MAP3K19: variants seen among roughly 807,000 people sequenced by gnomAD.
The protein encoded by MAP3K19 is SPS1/STE20-related protein kinase YSK4.
MAP3K19 carries 91 observed loss-of-function variants against 114.4 expected under a neutral mutation model. The observed-to-expected ratio is 0.80, with a 90% CI of 0.67 to 0.95. MAP3K19 has a LOEUF of 0.95. Among genes scored for constraint, MAP3K19 ranks in the 40% least tolerant of loss-of-function variants. The probability of loss-of-function intolerance (pLI) is 0.00; values close to 1 mark genes in which losing one functional copy is unlikely to be tolerated. For synonymous variants in MAP3K19, 518 were observed against 530.5 expected (o/e 0.98, Z 0.32); for missense variants, 1,471 against 1,573.2 (o/e 0.94, Z 1.10).
chr2:135,027,661 G>GA (rs1280855878), intron 3 of MAP3K19, among the ~76,000 whole-genome samples: 1 of 152,218 alleles, frequency 6.6e-6, no homozygotes, highest in Non-Finnish European at 1.5e-5. Flanking sequence ...GTTGGTTTGG[G>GA]AAATTTATAT....
intron 5 of MAP3K19, among the ~76,000 whole-genome samples, chr2:135,010,072 G>C (rs1223272306): frequency 6.7e-6 from 1 of 148,834 alleles, no homozygotes; most frequent in Non-Finnish European, 1.5e-5. Context: ...TTGTTAGCAT[G>C]AAAAGTTTGA....
At chr2:135,024,590 G>A (rs1329467190) in intron 4 of MAP3K19, 36 bp downstream of exon 4, 4 of 1,597,876 alleles carry the variant, frequency 2.5e-6, no homozygotes, top group Middle Eastern at 1.7e-4. Context: ...GAATTTTTGG[G>A]TTGGGAAATT....
chr2:134,980,871 T>G lies in MAP3K19; in HGVS notation c.3870A>C (p.Pro1290=). The change falls in exon 12 of 13, where the codon CCA becomes CCC. Residue 1290 remains proline, a synonymous_variant. Coordinates refer to ENST00000392915, the MANE Select transcript of MAP3K19 (RefSeq NM_025052.5). Reference sequence around the variant, plus strand: ...CTGCTGCATTTTCTGAGAAGTGGTCTGGTAAAGGAGGCATCAGCCCTCGGT... The same window carrying G: ...CTGCTGCATTTTCTGAGAAGTGGTCGGGTAAAGGAGGCATCAGCCCTCGGT... ...GAHRGLMPPL[P]DHFSENAADF... 1 of 1,614,210 alleles carries G rather than the reference T, an allele frequency of 6.2e-7. No individual in the cohort carries two copies. Among genetic ancestry groups the G allele is most frequent in the Non-Finnish European group, 8.5e-7 (1 of 1,180,028 alleles).
At chr2:135,015,418 A>T (rs1687516820) in intron 5 of MAP3K19, among the ~76,000 whole-genome samples, 1 of 152,118 alleles carries the variant, frequency 6.6e-6, no homozygotes, top group Non-Finnish European at 1.5e-5. Context: ...GGGAGTTTTT[A>T]AATTTTTTCT....
chr2:134,990,460 G>GTTTTTTTTTTTTTTTTTTTT (rs112948807), intron 9 of MAP3K19, among the ~76,000 whole-genome samples: 1 of 145,724 alleles, frequency 6.9e-6, no homozygotes. Flanking sequence ...TTCTTTTTTT[G>GTTTTTTTTTTTTTTTTTTTT]TTTTTTTTTT....
intron 12 of MAP3K19, among the ~76,000 whole-genome samples, chr2:134,980,074 C>A (rs1684525225): frequency 6.6e-6 from 1 of 152,104 alleles, no homozygotes; most frequent in Admixed American, 6.6e-5. Flanking sequence ...TAAAGTTGAG[C>A]CTTGCTAGGT....
intron 1 of MAP3K19, among the ~76,000 whole-genome samples, chr2:135,046,296 G>C (rs917405957): frequency 2.0e-5 from 3 of 151,764 alleles, no homozygotes; most frequent in Admixed American, 2.0e-4. Context: ...TGTTGTTGTT[G>C]TTACAGAGTC....
chr2:135,037,685 G>A (rs1172667313), intron 2 of MAP3K19, among the ~76,000 whole-genome samples: 4 of 152,084 alleles, frequency 2.6e-5, no homozygotes, highest in African/African-American at 4.8e-5. Context: ...GAATGGCCTT[G>A]GAAGATAGAA....
chr2:135,010,766 A>C (rs1559178080), intron 5 of MAP3K19, among the ~76,000 whole-genome samples: 1 of 152,096 alleles, frequency 6.6e-6, no homozygotes, highest in Non-Finnish European at 1.5e-5. Flanking sequence ...AGTAACTGGA[A>C]CTACAGAGGC....
In MAP3K19 at chr2:134,988,195, T is replaced by G. The variant is rs766931909; in HGVS notation, c.677A>C (p.Gln226Pro). ...TTTTTCTTTTGGAAACTTGTGATTTTGGGGGATAGTAAGGACACCAGATCG... is the reference window on the plus strand; with the variant it reads ...TTTTTCTTTTGGAAACTTGTGATTTGGGGGGATAGTAAGGACACCAGATCG... Reference protein sequence around the residue: ...PTRSGVLTIPQNHKFPKEKER... With the variant: ...PTRSGVLTIPPNHKFPKEKER... The change falls in exon 10 of 13, where the codon CAA becomes CCA. Residue 226 changes from glutamine to proline, a missense_variant. By Grantham distance (76) the Gln-to-Pro change is moderately conservative (BLOSUM62 -1). Coordinates refer to ENST00000392915, the MANE Select transcript of MAP3K19 (RefSeq NM_025052.5). The G allele has an allele frequency of 1.9e-6, 3 of 1,611,300 alleles. No homozygotes were observed. Among genetic ancestry groups the G allele is most frequent in the East Asian group, 2.2e-5 (1 of 44,866 alleles).
chr2:135,023,426 T>G, intron 4 of MAP3K19: 1 of 533,040 alleles, frequency 1.9e-6, no homozygotes. Context: ...GTCCTCACAA[T>G]CTCCTCTCTG....
Position 134,981,115 on chromosome 2 carries a change from C to T in MAP3K19, c.3626G>A (p.Arg1209Lys). The T allele has an allele frequency of 6.2e-7, 1 of 1,614,200 alleles. No individual in the cohort carries two copies. The highest frequency in any genetic ancestry group is 8.5e-7 in the Non-Finnish European group (1 of 1,180,014). ...IIKLIDFGCA[R>K]RLAWAGLNGT... is the part of the protein sequence containing the mutation. The stretch of plus-strand genomic sequence containing the variant: ...ATTTAAACCTGCCCAGGCCAAACGC[C>T]TGGCACAGCCAAAGTCAATCAGCTT... The change falls in exon 12 of 13, where the codon AGG becomes AAG. Residue 1209 changes from arginine to lysine, a missense_variant. Transcript: ENST00000392915.
chr2:135,022,493 T>C (rs148437020), intron 4 of MAP3K19, among the ~76,000 whole-genome samples: 197 of 152,246 alleles, frequency 1.3e-3, no homozygotes, highest in African/African-American at 3.6e-3. Context: ...AAAACTACCA[T>C]GTATTTTTCA....
chr2:135,009,118 A>ATTTTTTTTTTTT (rs59038927), intron 5 of MAP3K19, among the ~76,000 whole-genome samples: 1 of 136,714 alleles, frequency 7.3e-6, no homozygotes, highest in Non-Finnish European at 1.6e-5. Context: ...TGCCTGGCTA[A>ATTTTTTTTTTTT]TTTTTTTTTT....
chr2:134,985,693 T>G, intron 10 of MAP3K19, 107 bp downstream of exon 10: 3 of 1,027,544 alleles, frequency 2.9e-6, no homozygotes, highest in Non-Finnish European at 4.1e-6. Flanking sequence ...AAAAACTATT[T>G]AATTGTTTAG....
At chr2:134,968,907 G>A (rs1415231854) in intron 12 of MAP3K19, among the ~76,000 whole-genome samples, 3 of 150,632 alleles carry the variant, frequency 2.0e-5, no homozygotes, top group Non-Finnish European at 3.0e-5. Context: ...CCCAGACGAT[G>A]GGCGGCCAGG....
chr2:134,985,932 A>C lies in MAP3K19; in HGVS notation c.2940T>G (p.Leu980=). ...GGCAAGAGTTGTTATCTTTCTCATC[A>C]AGAGCTAATAATTCTGCAGCTAGAC... is the stretch of plus-strand genomic sequence containing the variant. ...LGCLAAELLA[L]DEKDNNSCQK... The change falls in exon 10 of 13, where the codon CTT becomes CTG. Residue 980 remains leucine, a synonymous_variant. Transcript: ENST00000392915. 6.2e-7 allele frequency: 1 copy of C among 1,614,114 alleles called. No homozygotes were observed. The highest frequency in any genetic ancestry group is 2.2e-5 in the East Asian group (1 of 44,862).
Position 134,986,130 on chromosome 2 carries a change from ACTTT to A in MAP3K19, c.2738_2741del (p.Glu913ValfsTer19). 1.2e-6 allele frequency: 2 copies of A among 1,614,040 alleles called. No homozygotes were observed. The highest frequency in any genetic ancestry group is 2.2e-5 in the South Asian group (2 of 91,052). On this transcript the variant is annotated frameshift_variant, in exon 10 of 13. Transcript: ENST00000392915. LOFTEE classifies it high-confidence loss of function. ...AATATTGATATGTCTGGGAAGATGC[ACTTT>A]CTTGTTTTGCTTGGAAAGAGAAATT...
rs779291316 is a variant in MAP3K19, at chr2:135,004,682, T to C, written c.235+753A>G. 6.0e-4 allele frequency among the ~76,000 whole-genome samples: 92 copies of C among 152,354 alleles called. 1 individual carries two copies. The highest frequency in any genetic ancestry group is 1.0e-3 in the Non-Finnish European group (69 of 68,036). ...GCAACTATGCTCTGAGGCGAGAATC[T>C]GCAAATACCTTGTGGTCTGTTAAGT... On this transcript the variant is annotated intron_variant, in intron 6 of 12. Transcript: ENST00000392915.
Sources: allele counts gnomAD v4.1 joint callset (sites outside exome capture counted in the v4.1 genomes callset), GRCh38; gene constraint gnomAD v4.1.1; transcripts MANE v1.5; gene names NCBI Gene and HGNC (gene_info 2026-07-23, HGNC 2026-07-21).